The following NEXMIF variants were observed in gnomAD, a reference collection of about 807,000 sequenced individuals.
NEXMIF encodes neurite extension and migration factor, also known as XLMR protein related to neurite extension.
A neutral mutation model predicts 62.1 loss-of-function variants in NEXMIF; 8 were observed. That is an observed-to-expected ratio of 0.13 (90% confidence interval 0.08 to 0.23). The LOEUF (loss-of-function observed/expected upper bound fraction) is 0.23. NEXMIF is among the 10% of genes least tolerant of loss of function. The probability of loss-of-function intolerance (pLI) is 1.00; values close to 1 mark genes in which losing one functional copy is unlikely to be tolerated. For missense variants in NEXMIF, 976 were observed against 1,113.3 expected (o/e 0.88, Z 1.75); for synonymous variants, 404 against 416.6 (o/e 0.97, Z 0.37).
At chrX:74,923,059 G>T (rs1340569345) in intron 1 of NEXMIF, among the ~76,000 whole-genome samples, 2 of 111,678 alleles carry the variant, frequency 1.8e-5, no homozygotes, top group Non-Finnish European at 3.8e-5. Context: ...TGAAATATTG[G>T]AAAGTATTTC....
At chrX:74,844,320 G>A (rs772413952) in intron 1 of NEXMIF, among the ~76,000 whole-genome samples, 8 of 111,302 alleles carry the variant, frequency 7.2e-5, no homozygotes, top group African/African-American at 2.0e-4. Context: ...TTTCACTGTT[G>A]GCCTCTCTAG....
intron 3 of NEXMIF, among the ~76,000 whole-genome samples, chrX:74,739,704 A>T (rs1478583056): frequency 9.1e-6 from 1 of 110,021 alleles, no homozygotes; most frequent in African/African-American, 3.3e-5. Flanking sequence ...TGTTTAAATG[A>T]TCTTGGCTTT....
intron 1 of NEXMIF, among the ~76,000 whole-genome samples, chrX:74,810,723 G>C (rs147158835): frequency 3.0e-3 from 331 of 110,902 alleles, no homozygotes; most frequent in African/African-American, 9.9e-3. Context: ...TCCTGTACGG[G>C]CCTCAGGTTT....
chrX:74,898,549 G>C (rs1003878235), intron 1 of NEXMIF, among the ~76,000 whole-genome samples: 5 of 111,639 alleles, frequency 4.5e-5, no homozygotes, highest in Admixed American at 9.6e-5. Context: ...ATAGACTTTA[G>C]TTAATTATAA....
At chrX:74,882,781 C>T in intron 1 of NEXMIF, among the ~76,000 whole-genome samples, 1 of 112,349 alleles carries the variant, frequency 8.9e-6, no homozygotes, top group Non-Finnish European at 1.9e-5. Context: ...CCCTGTCTGA[C>T]AGCTTTGAAG....
intron 1 of NEXMIF, among the ~76,000 whole-genome samples, chrX:74,795,475 T>C (rs910032978): frequency 3.6e-5 from 4 of 111,825 alleles, no homozygotes; most frequent in Non-Finnish European, 7.5e-5. Flanking sequence ...TATGACACTC[T>C]GGAAAATATA....
rs754395690 is a variant in NEXMIF, at chrX:74,799,850, T to C, written c.-47-54153A>G. On this transcript the variant is annotated intron_variant, in intron 1 of 3. Coordinates refer to ENST00000055682, the MANE Select transcript of NEXMIF (RefSeq NM_001008537.3). Reference sequence around the variant, plus strand: ...ATTCATCAAGAAGACATAATAATTATAAACACCTCTCTTGTTAAGTACCTA... The same window carrying C: ...ATTCATCAAGAAGACATAATAATTACAAACACCTCTCTTGTTAAGTACCTA... 7.2e-5 allele frequency among the ~76,000 whole-genome samples: 8 copies of C among 111,286 alleles called. No homozygotes were observed. In the East Asian group the frequency reaches 2.3e-3, roughly 32 times the overall value.
intron 1 of NEXMIF, among the ~76,000 whole-genome samples, chrX:74,855,364 A>G (rs1219548661): frequency 1.8e-5 from 2 of 112,287 alleles, no homozygotes; most frequent in Non-Finnish European, 3.8e-5. Flanking sequence ...ATTCATATGT[A>G]GAAGAAGGAA....
rs371138262 is a variant in NEXMIF at position 74,742,237 on chromosome X, A to G, written c.2320T>C (p.Ser774Pro). 7.4e-6 allele frequency: 9 copies of G among 1,209,504 alleles called. No individual in the cohort carries two copies. Among genetic ancestry groups the G allele is most frequent in the Non-Finnish European group, 1.0e-5 (9 of 894,709 alleles). ...IPGTSNSSRLSEFHEAKAAKS... is the reference protein window; with the variant it reads ...IPGTSNSSRLPEFHEAKAAKS... ...GCAGCCTTTGCCTCATGAAATTCAGATAGACGGGAACTGTTTGATGTCCCA... is the reference window on the plus strand; with the variant it reads ...GCAGCCTTTGCCTCATGAAATTCAGGTAGACGGGAACTGTTTGATGTCCCA... The change falls in exon 3 of 4, where the codon TCT becomes CCT. Residue 774 changes from serine to proline, a missense_variant. This residue lies in a region of NEXMIF where 639 missense variants were observed against 694.5 expected (regional missense o/e 0.92). Coordinates refer to ENST00000055682, the MANE Select transcript of NEXMIF (RefSeq NM_001008537.3).
At chrX:74,836,813 C>T (rs182267719) in intron 1 of NEXMIF, among the ~76,000 whole-genome samples, 28 of 111,494 alleles carry the variant, frequency 2.5e-4, no homozygotes, top group Non-Finnish European at 4.5e-4. Flanking sequence ...CCCTAGGTCA[C>T]GTGCCACCCT....
At chrX:74,788,879 A>T (rs2080268790) in intron 1 of NEXMIF, among the ~76,000 whole-genome samples, 1 of 111,407 alleles carries the variant, frequency 9.0e-6, no homozygotes, top group South Asian at 3.8e-4. Flanking sequence ...GCCAGCAAGT[A>T]CCCCGCCATC....
In NEXMIF at chrX:74,900,474, A is replaced by AAAAAAAAAAAAG. The variant is rs776919178; in HGVS notation, c.-48+24408_-48+24409insCTTTTTTTTTTT. Among the ~76,000 whole-genome samples, 18 of 105,991 alleles carry AAAAAAAAAAAAG rather than the reference A, an allele frequency of 1.7e-4. No individual in the cohort carries two copies. In the East Asian group the frequency reaches 3.7e-3, roughly 22 times the overall value. The allele number at this position is 105,991 out of a possible 115,157, so 92.0% of individuals were successfully genotyped here. A position where few individuals can be genotyped will look rare whatever the true frequency, so the allele number is the denominator to read the frequency against. ...TGAGACTCCGTCTCAAAAAAAAAAA[A>AAAAAAAAAAAAG]AAAAAGAAAAAGAAAAAGAAAAAGG... On this transcript the variant is annotated intron_variant, in intron 1 of 3. Coordinates refer to ENST00000055682, the MANE Select transcript of NEXMIF (RefSeq NM_001008537.3).
chrX:74,796,398 G>T (rs1454722576), intron 1 of NEXMIF, among the ~76,000 whole-genome samples: 2 of 99,075 alleles, frequency 2.0e-5, no homozygotes, highest in African/African-American at 7.4e-5. Context: ...ACCCAGTTAT[G>T]TCCACTGAGA....
chrX:74,902,741 C>T (rs1409895485), intron 1 of NEXMIF, among the ~76,000 whole-genome samples: 1 of 112,161 alleles, frequency 8.9e-6, no homozygotes, highest in South Asian at 3.7e-4. Context: ...ACCCCTTTCA[C>T]CCATGCATTT....
intron 1 of NEXMIF, among the ~76,000 whole-genome samples, chrX:74,921,205 C>A (rs1382588459): frequency 6.3e-5 from 7 of 111,132 alleles, no homozygotes; most frequent in Non-Finnish European, 3.8e-5. Flanking sequence ...CTAGCAGAGG[C>A]CTGTGAATCA....
chrX:74,907,242 T>G (rs2080771849), intron 1 of NEXMIF, among the ~76,000 whole-genome samples: 1 of 110,097 alleles, frequency 9.1e-6, no homozygotes, highest in African/African-American at 3.3e-5. Flanking sequence ...TGCTGATGAG[T>G]GACAGGAGGT....
chrX:74,841,276 T>C, intron 1 of NEXMIF, among the ~76,000 whole-genome samples: 1 of 111,699 alleles, frequency 9.0e-6, no homozygotes, highest in East Asian at 2.8e-4. Flanking sequence ...TGGCTCTCGG[T>C]CTGGCTGTTG....
At chrX:74,877,223 A>G (rs1373683787) in intron 1 of NEXMIF, among the ~76,000 whole-genome samples, 1 of 110,695 alleles carries the variant, frequency 9.0e-6, no homozygotes, top group East Asian at 2.8e-4. Flanking sequence ...CTTATCTGTA[A>G]AGTATTTTAT....
intron 1 of NEXMIF, among the ~76,000 whole-genome samples, chrX:74,873,301 C>T (rs2080611851): frequency 8.9e-6 from 1 of 111,782 alleles, no homozygotes; most frequent in African/African-American, 3.3e-5. Context: ...TCGTCCATGT[C>T]CCTACAAAGG....
Sources: allele counts gnomAD v4.1 joint callset (sites outside exome capture counted in the v4.1 genomes callset), GRCh38; gene constraint gnomAD v4.1.1; regional missense constraint gnomAD v4.1.1; transcripts MANE v1.5; gene names NCBI Gene and HGNC (gene_info 2026-07-23, HGNC 2026-07-21).